ABLIM3: variants seen among roughly 807,000 people sequenced by gnomAD.
The protein encoded by ABLIM3 is actin binding LIM protein family member 3.
Under a neutral mutation model 109.5 loss-of-function variants are expected in ABLIM3, and 61 were observed. The observed-to-expected ratio is 0.56, with a 90% CI of 0.45 to 0.69. The LOEUF (loss-of-function observed/expected upper bound fraction) is 0.69, where lower values mean the gene tolerates loss of function less well. Ranked by LOEUF, ABLIM3 falls within the 30% of genes least tolerant of loss-of-function variation. ABLIM3 has a pLI of 0.00. For synonymous variants in ABLIM3, 300 were observed against 324.8 expected (o/e 0.92, Z 0.82); for missense variants, 796 against 889.5 (o/e 0.89, Z 1.34).
intron 8 of ABLIM3, among the ~76,000 whole-genome samples, chr5:149,229,012 C>T (rs1222532328): frequency 6.6e-6 from 1 of 152,184 alleles, no homozygotes; most frequent in Non-Finnish European, 1.5e-5. Context: ...CTCCTCAGAC[C>T]TCTGTGTCCA....
At position 149,239,271 on chromosome 5, in the gene ABLIM3, C is replaced by T. The variant is rs780284322; in HGVS notation, c.1068C>T (p.Tyr356=). The T allele has an allele frequency of 6.2e-7, 1 of 1,614,050 alleles. No homozygotes were observed. The highest frequency in any genetic ancestry group is 8.5e-7 in the Non-Finnish European group (1 of 1,179,902). Residue 356 remains tyrosine, a synonymous_variant, in exon 12 of 24, where the codon TAC becomes TAT. Coordinates refer to ENST00000309868, the MANE Select transcript of ABLIM3 (RefSeq NM_014945.5). ...AGTCGCTGGGAACATTATCTCCCTA[C>T]TCCCAGGTAATTCAGCTGATAGAGA... ...YGESLGTLSP[Y]SQDIYENLDL...
intron 3 of ABLIM3, among the ~76,000 whole-genome samples, chr5:149,188,511 G>T (rs4572987): frequency 0.32 from 47,966 of 152,096 alleles, 7,783 homozygotes; most frequent in East Asian, 0.51. Context: ...AAATGGAAAG[G>T]TGTCCCTTGC....
At chr5:149,174,021 CAAAAAAA>C (rs57000637) in intron 2 of ABLIM3, among the ~76,000 whole-genome samples, 4 of 40,218 alleles carry the variant, frequency 9.9e-5, no homozygotes, top group Non-Finnish European at 2.1e-4. Flanking sequence ...GACTCCGTCT[CAAAAAAA>C]AAAAAAAAAA....
At chr5:149,225,982 G>GTATGTATA (rs1554092497) in intron 8 of ABLIM3, among the ~76,000 whole-genome samples, 3 of 45,512 alleles carry the variant, frequency 6.6e-5, no homozygotes, top group Non-Finnish European at 4.0e-5. Context: ...GTGTGTGTGT[G>GTATGTATA]TATATATATA....
At chr5:149,240,954 A>G (rs1752761182) in intron 14 of ABLIM3, among the ~76,000 whole-genome samples, 180 bp downstream of exon 14, 1 of 152,212 alleles carries the variant, frequency 6.6e-6, no homozygotes, top group Non-Finnish European at 1.5e-5. Flanking sequence ...GCTTCAGATT[A>G]TCCACTTGAC....
chr5:149,147,150 A>T (rs1741969600), intron 2 of ABLIM3, among the ~76,000 whole-genome samples: 1 of 151,446 alleles, frequency 6.6e-6, no homozygotes, highest in Non-Finnish European at 1.5e-5. Flanking sequence ...TGTCTCTTGT[A>T]AATGGGATTA....
chr5:149,231,605 A>G (rs1761866161), intron 9 of ABLIM3, among the ~76,000 whole-genome samples: 2 of 152,232 alleles, frequency 1.3e-5, no homozygotes. Flanking sequence ...TGAAAGAGCC[A>G]GTTTATTGAT....
chr5:149,166,743 C>A (rs1754873366), intron 2 of ABLIM3, among the ~76,000 whole-genome samples: 1 of 152,216 alleles, frequency 6.6e-6, no homozygotes, highest in Non-Finnish European at 1.5e-5. Flanking sequence ...GGCAAACTTT[C>A]TCTGTAAAGG....
chr5:149,188,598 G>C (rs973372354), intron 3 of ABLIM3, among the ~76,000 whole-genome samples: 9 of 152,190 alleles, frequency 5.9e-5, no homozygotes, highest in Admixed American at 1.3e-4. Context: ...CTGCGTCTTC[G>C]CATGGCAGAG....
At chr5:149,152,966 A>G (rs1432591615) in intron 2 of ABLIM3, among the ~76,000 whole-genome samples, 3 of 152,142 alleles carry the variant, frequency 2.0e-5, no homozygotes, top group African/African-American at 4.8e-5. Flanking sequence ...CAAGGTAGCA[A>G]ATAATTCACA....
intron 7 of ABLIM3, 59 bp downstream of exon 7, chr5:149,210,878 C>T (rs1759481904): frequency 2.0e-6 from 3 of 1,497,260 alleles, no homozygotes. Context: ...TCCAAAAAGT[C>T]ATCACAGAAG....
At position 149,248,859 on chromosome 5, in the gene ABLIM3, GACACACACACACACACAC is replaced by G. The variant is rs55707887; in HGVS notation, c.1700-933_1700-916del. On this transcript the variant is annotated intron_variant, in intron 18 of 23. Coordinates refer to ENST00000309868, the MANE Select transcript of ABLIM3 (RefSeq NM_014945.5). ...TCATTGCAAGCTCCTCCTATTCCTG[GACACACACACACACACAC>G]ACACACACACACACACACACACTCT... Among the ~76,000 whole-genome samples, 115 of 144,694 alleles carry G rather than the reference GACACACACACACACACAC, an allele frequency of 7.9e-4. 1 individual carries two copies. The highest frequency in any genetic ancestry group is 7.0e-3 in the Middle Eastern group (2 of 284). 94.9% of individuals were successfully genotyped at this position (144,694 alleles called of 152,430 possible). A position where few individuals can be genotyped will look rare whatever the true frequency, so the allele number is the denominator to read the frequency against.
At chr5:149,222,523 G>A (rs1485754740) in intron 8 of ABLIM3, among the ~76,000 whole-genome samples, 1 of 152,070 alleles carries the variant, frequency 6.6e-6, no homozygotes, top group East Asian at 1.9e-4. Context: ...ATTTTCAGAG[G>A]TGTCCATGGG....
intron 3 of ABLIM3, among the ~76,000 whole-genome samples, chr5:149,194,975 C>T (rs564464437): frequency 2.0e-5 from 3 of 152,264 alleles, no homozygotes; most frequent in South Asian, 2.1e-4. Flanking sequence ...TAATATATTT[C>T]ACAATGAAAT....
intron 8 of ABLIM3, among the ~76,000 whole-genome samples, chr5:149,221,183 A>G (rs1303400567): frequency 6.6e-6 from 1 of 152,200 alleles, no homozygotes; most frequent in Non-Finnish European, 1.5e-5. Context: ...AGTGAGTGCA[A>G]AGGCCCTCCC....
At chr5:149,242,802 C>T (rs1752990009) in intron 15 of ABLIM3, among the ~76,000 whole-genome samples, 1 of 152,190 alleles carries the variant, frequency 6.6e-6, no homozygotes, top group Admixed American at 6.5e-5. Context: ...TCCTAAGTTC[C>T]ATAATTGGTA....
At chr5:149,189,231 A>G (rs1337079694) in intron 3 of ABLIM3, among the ~76,000 whole-genome samples, 1 of 152,212 alleles carries the variant, frequency 6.6e-6, no homozygotes, top group East Asian at 1.9e-4. Flanking sequence ...ACCTAAATGT[A>G]GAAGGTAAAA....
chr5:149,175,119 T>C (rs1755805124), intron 2 of ABLIM3, among the ~76,000 whole-genome samples: 1 of 152,186 alleles, frequency 6.6e-6, no homozygotes, highest in African/African-American at 2.4e-5. Context: ...CCCAGACTGG[T>C]AGACACCCTA....
rs374634933 is a variant in ABLIM3, at chr5:149,142,576, A to C, written c.13+468A>C. 1.6e-3 allele frequency among the ~76,000 whole-genome samples: 240 copies of C among 152,274 alleles called. 1 individual carries two copies. Among genetic ancestry groups the C allele is most frequent in the African/African-American group, 5.7e-3 (237 of 41,556 alleles). ...GGAAGCCGCAGTTTGATAAACAAAT[A>C]ATCGCCAAGCCACCTTTGGGTCTGG... On this transcript the variant is annotated intron_variant, in intron 2 of 23. Transcript: ENST00000309868.
Sources: allele counts gnomAD v4.1 joint callset (sites outside exome capture counted in the v4.1 genomes callset), GRCh38; gene constraint gnomAD v4.1.1; transcripts MANE v1.5; gene names NCBI Gene and HGNC (gene_info 2026-07-23, HGNC 2026-07-21).